SETD5: variants seen among roughly 807,000 people sequenced by gnomAD.
SETD5 encodes the protein histone-lysine N-methyltransferase SETD5.
SETD5 carries 44 observed loss-of-function variants against 153.3 expected under a neutral mutation model. The ratio of observed to expected loss-of-function variants is 0.29; its 90% CI spans 0.23 to 0.37. The LOEUF is 0.37. SETD5 is among the 10% of genes least tolerant of loss of function. The pLI is 1.00. For synonymous variants in SETD5, 716 were observed against 645.2 expected (o/e 1.11, Z -1.66); for missense variants, 1,544 against 1,768.0 (o/e 0.87, Z 2.27).
intron 18 of SETD5, among the ~76,000 whole-genome samples, chr3:9,468,034 G>T (rs1038454711): frequency 4.6e-5 from 7 of 150,976 alleles, no homozygotes; most frequent in Non-Finnish European, 1.0e-4. Context: ...GCACACTAAT[G>T]TCTCCCCCTG....
intron 16 of SETD5, among the ~76,000 whole-genome samples, chr3:9,452,063 G>A (rs1440584492): frequency 2.0e-5 from 3 of 152,120 alleles, no homozygotes; most frequent in African/African-American, 7.2e-5. Flanking sequence ...AGAACCTGGA[G>A]GAGTAGGTTT....
Position 9,475,849 on chromosome 3 carries a change from CAGTCCAGCACAGGAACTCTG to C in SETD5, c.4091_4110del (p.Ser1364PhefsTer9). 1 of 1,614,046 alleles carries C rather than the reference CAGTCCAGCACAGGAACTCTG, an allele frequency of 6.2e-7. No individual in the cohort carries two copies. Among genetic ancestry groups the C allele is most frequent in the Non-Finnish European group, 8.5e-7 (1 of 1,179,904 alleles). On this transcript the variant is annotated frameshift_variant, in exon 23 of 23. Transcript: ENST00000402198. LOFTEE classifies it high-confidence loss of function. ...CTCGCCAACCTCAGATTCAGTTTCT[CAGTCCAGCACAGGAACTCTG>C]AGTTCCACCTCCTTTCCTCAGAACT... is the stretch of plus-strand genomic sequence containing the variant.
intron 10 of SETD5, 40 bp from the exon 11 acceptor site, chr3:9,443,268 G>A (rs1211119375): frequency 9.1e-6 from 13 of 1,431,514 alleles, no homozygotes; most frequent in Non-Finnish European, 1.2e-5. Flanking sequence ...GAAAGTTCAT[G>A]GTCTTTATGA....
intron 11 of SETD5, 87 bp from the exon 12 acceptor site, chr3:9,444,961 G>C (rs2041761285): frequency 6.7e-7 from 1 of 1,486,668 alleles, no homozygotes; most frequent in Admixed American, 2.0e-5. Context: ...GGAAGTTACT[G>C]TACTGATATT....
At chr3:9,400,289 T>C (rs1161733264) in intron 1 of SETD5, among the ~76,000 whole-genome samples, 1 of 152,224 alleles carries the variant, frequency 6.6e-6, no homozygotes, top group Non-Finnish European at 1.5e-5. Context: ...TGTGCTTGGA[T>C]AGGACTAAAA....
intron 1 of SETD5, among the ~76,000 whole-genome samples, chr3:9,412,403 T>G (rs1302580596): frequency 1.1e-4 from 15 of 141,870 alleles, no homozygotes; most frequent in Non-Finnish European, 2.0e-4. Flanking sequence ...TTTTTTTTTT[T>G]TTTTTTTTTT....
Position 9,475,641 on chromosome 3 carries a change from C to T in SETD5, c.3879C>T (p.Ser1293=). 8 of 1,613,980 alleles carry T rather than the reference C, an allele frequency of 5.0e-6. No homozygotes were observed. The highest frequency in any genetic ancestry group is 6.8e-6 in the Non-Finnish European group (8 of 1,179,872). ...CCTCTCACGGTTCTTCAGAATCATC[C>T]CTCTCTTCCACGTCCTATTCCAGCC... is the stretch of plus-strand genomic sequence containing the variant. The part of the protein sequence containing the change: ...NPPSHGSSES[S]LSSTSYSSPA... The change falls in exon 23 of 23, where the codon TCC becomes TCT. Residue 1293 remains serine (S), a synonymous_variant. Transcript: ENST00000402198.
At position 9,434,101 on chromosome 3, in the gene SETD5, A is replaced by G. The variant is rs1275367611; in HGVS notation, c.177+151A>G. On this transcript the variant is annotated intron_variant, in intron 4 of 22. Transcript: ENST00000402198. The surrounding 1 kb of genome is among the most constrained non-coding windows in gnomAD (Gnocchi z 5.6). ...GACTCCAGCGGACGTCTAGCCCTGC[A>G]TCATTGTTCTTGTTTTTATGTCCCA... 1.3e-6 allele frequency: 2 copies of G among 1,561,556 alleles called. No homozygotes were observed. Among genetic ancestry groups the G allele is most frequent in the Admixed American group, 1.9e-5 (1 of 52,036 alleles).
chr3:9,414,718 A>G (rs1315002284), intron 1 of SETD5, among the ~76,000 whole-genome samples: 4 of 152,166 alleles, frequency 2.6e-5, no homozygotes, highest in Non-Finnish European at 5.9e-5. Flanking sequence ...TAAACTTAGA[A>G]GAAAAAACAA....
chr3:9,464,873 G>T, intron 18 of SETD5: 2 of 661,808 alleles, frequency 3.0e-6, no homozygotes, highest in Non-Finnish European at 5.1e-6. Flanking sequence ...CCCAAAATAG[G>T]CATACTGCTA....
chr3:9,433,590 C>T, intron 3 of SETD5: 1 of 1,267,334 alleles, frequency 7.9e-7, no homozygotes, highest in Non-Finnish European at 1.0e-6. Context: ...ATTAGGGACA[C>T]CTTGTATCTC....
At chr3:9,442,578 G>T (rs544638317) in intron 10 of SETD5, among the ~76,000 whole-genome samples, 5 of 152,200 alleles carry the variant, frequency 3.3e-5, no homozygotes, top group Admixed American at 2.6e-4. Flanking sequence ...AAGCTATTTG[G>T]TTGCAGTTTT....
chr3:9,444,933 T>C lies in SETD5; in HGVS notation c.1188-115T>C, dbSNP rs577568044. ...CTCTCTAATGTCTCTGTTTAACTTA[T>C]TCAGAGACAATATCAGAGGAAGTTA... On this transcript the variant is annotated intron_variant, in intron 11 of 22. Transcript: ENST00000402198. The C allele has an allele frequency of 4.0e-5, 54 of 1,339,786 alleles. 1 individual carries two copies. In the South Asian group the frequency reaches 6.3e-4, roughly 16 times the overall value. The allele number at this position is 1,339,786 out of a possible 1,614,324, so 83.0% of individuals were successfully genotyped here.
At position 9,464,419 on chromosome 3, in the gene SETD5, TCA is replaced by T; in HGVS notation, c.2477-3_2477-2del. The T allele has an allele frequency of 6.2e-7, 1 of 1,603,842 alleles. No individual in the cohort carries two copies. Among genetic ancestry groups the T allele is most frequent in the Non-Finnish European group, 8.5e-7 (1 of 1,171,630 alleles). On this transcript the variant is annotated splice_polypyrimidine_tract_variant and splice_region_variant and intron_variant, in intron 17 of 22. Transcript: ENST00000402198. The stretch of plus-strand genomic sequence containing the variant: ...CAAACTCTCATCCAAGCTTTGTGTT[TCA>T]CAGACTTGTTGAGCCCATTAAAGAA...
chr3:9,402,429 G>C (rs1486881350), intron 1 of SETD5, among the ~76,000 whole-genome samples: 1 of 152,156 alleles, frequency 6.6e-6, no homozygotes, highest in African/African-American at 2.4e-5. Flanking sequence ...CTGAGTACCT[G>C]AGGGAATACC....
intron 2 of SETD5, among the ~76,000 whole-genome samples, chr3:9,427,751 C>T (rs1324571626): frequency 6.6e-6 from 1 of 151,878 alleles, no homozygotes; most frequent in Non-Finnish European, 1.5e-5. Context: ...TGACTTTATT[C>T]CCCCCCAAAT....
intron 21 of SETD5, chr3:9,474,804 C>T (rs548372143): frequency 9.3e-6 from 6 of 643,804 alleles, no homozygotes; most frequent in South Asian, 8.4e-5. Context: ...GAATACCTTT[C>T]TGTAACTCTC....
chr3:9,414,499 T>C (rs2037121005), intron 1 of SETD5, among the ~76,000 whole-genome samples: 1 of 152,168 alleles, frequency 6.6e-6, no homozygotes, highest in Non-Finnish European at 1.5e-5. Flanking sequence ...GAAAGGGCCT[T>C]TCTAGAGCAG....
At chr3:9,474,655 T>C (rs553858122) in intron 21 of SETD5, 73 bp downstream of exon 21, 1 of 1,565,760 alleles carries the variant, frequency 6.4e-7, no homozygotes, top group South Asian at 1.2e-5. Context: ...TCATGCCTAG[T>C]GCTGAGTTGA....
Sources: allele counts gnomAD v4.1 joint callset (sites outside exome capture counted in the v4.1 genomes callset), GRCh38; gene constraint gnomAD v4.1.1; non-coding constraint Gnocchi (gnomAD v3.1); transcripts MANE v1.5; gene names NCBI Gene and HGNC (gene_info 2026-07-23, HGNC 2026-07-21).